GLI3: variants seen among roughly 807,000 people sequenced by gnomAD.
GLI3 encodes the protein GLI family zinc finger 3, also known as transcription activator GLI3.
A neutral mutation model predicts 100.8 loss-of-function variants in GLI3; 20 were observed. The ratio of observed to expected loss-of-function variants is 0.20; its 90% CI spans 0.14 to 0.29. The LOEUF is 0.29. Ranked by LOEUF, GLI3 falls within the 10% of genes least tolerant of loss-of-function variation. GLI3 has a pLI of 1.00. For missense variants in GLI3, 2,040 were observed against 2,128.5 expected (o/e 0.96, Z 0.82); for synonymous variants, 938 against 860.5 (o/e 1.09, Z -1.58).
At chr7:42,023,440 G>A in intron 10 of GLI3, 28 bp downstream of exon 10, 5 of 1,613,228 alleles carry the variant, frequency 3.1e-6, no homozygotes, top group Non-Finnish European at 4.2e-6. Flanking sequence ...GAGCTGTAAA[G>A]CTCGGTTCCT....
intron 2 of GLI3, among the ~76,000 whole-genome samples, chr7:42,204,885 C>T (rs1788118307): frequency 6.6e-6 from 1 of 152,070 alleles, no homozygotes; most frequent in Non-Finnish European, 1.5e-5. Flanking sequence ...TCTCTGTGGG[C>T]TGGCAAATTT....
At chr7:42,239,498 C>T (rs886662305), upstream of GLI3, among the ~76,000 whole-genome samples, 1 of 152,198 alleles carries the variant, frequency 6.6e-6, no homozygotes, top group Non-Finnish European at 1.5e-5. Context: ...TATTCATGTA[C>T]TGCTTCTGCC....
intron 3 of GLI3, among the ~76,000 whole-genome samples, chr7:42,136,263 CATGAGAAGGACAACGTT>C (rs1480568739): frequency 1.3e-5 from 2 of 152,172 alleles, no homozygotes; most frequent in Admixed American, 6.5e-5. Context: ...ACAGGAGCAC[CATGAGAAGGACAACGTT>C]TTATAAGACA....
Position 42,115,398 on chromosome 7 carries a change from C to T in GLI3, c.367+32828G>A, listed in dbSNP as rs560478530. Among the ~76,000 whole-genome samples the T allele has an allele frequency of 4.6e-5, 7 of 152,292 alleles. No individual in the cohort carries two copies. In the South Asian group the frequency reaches 1.2e-3, roughly 27 times the overall value. Reference sequence around the variant, plus strand: ...TAAGTGACCTGCCCACCTCGGCCTCCCAAAGTGCTGAGATTACAGGTGTAC... The same window carrying T: ...TAAGTGACCTGCCCACCTCGGCCTCTCAAAGTGCTGAGATTACAGGTGTAC... On this transcript the variant is annotated intron_variant, in intron 3 of 14. Transcript: ENST00000395925.
At chr7:41,990,921 T>C (rs1787969416) in intron 10 of GLI3, among the ~76,000 whole-genome samples, 1 of 151,448 alleles carries the variant, frequency 6.6e-6, no homozygotes, top group Non-Finnish European at 1.5e-5. Flanking sequence ...TGGTGATTGC[T>C]GATCACAGAA....
chr7:42,134,410 C>T (rs1206998890), intron 3 of GLI3, among the ~76,000 whole-genome samples: 2 of 152,104 alleles, frequency 1.3e-5, no homozygotes, highest in African/African-American at 4.8e-5. Context: ...TGAGAAGACA[C>T]AGAAGAAAGG....
At chr7:42,254,254 G>A (rs966373976) in intron 1 of GLI3, among the ~76,000 whole-genome samples, 1 of 149,232 alleles carries the variant, frequency 6.7e-6, no homozygotes, top group Non-Finnish European at 1.5e-5. Flanking sequence ...AGAGGATATC[G>A]CCTTGGGCAC....
intron 10 of GLI3, among the ~76,000 whole-genome samples, chr7:42,019,090 T>G (rs1218327269): frequency 6.6e-6 from 1 of 152,146 alleles, no homozygotes; most frequent in East Asian, 1.9e-4. Context: ...TTGTTGAAAT[T>G]GAGGGTGAAG....
intron 1 of GLI3, among the ~76,000 whole-genome samples, chr7:42,261,222 C>CACACACACACACA (rs1583679901): frequency 7.1e-6 from 1 of 140,684 alleles, no homozygotes; most frequent in East Asian, 2.1e-4. Flanking sequence ...CACACACACA[C>CACACACACACACA]AACACACACA....
At chr7:42,209,812 TTC>T (rs1164646599) in intron 2 of GLI3, among the ~76,000 whole-genome samples, 1 of 137,144 alleles carries the variant, frequency 7.3e-6, no homozygotes, top group Non-Finnish European at 1.6e-5. Context: ...CACTGAGAGG[TTC>T]TCTCTCTTTT....
At chr7:42,146,209 G>T (rs1158313865) in intron 3 of GLI3, among the ~76,000 whole-genome samples, 1 of 152,096 alleles carries the variant, frequency 6.6e-6, no homozygotes, top group East Asian at 1.9e-4. Context: ...AGAATGTAAC[G>T]AATAATCCAC....
chr7:42,223,118 T>G lies in GLI3; in HGVS notation c.124+12A>C. The G allele has an allele frequency of 6.2e-7, 1 of 1,613,548 alleles. No homozygotes were observed. Among genetic ancestry groups the G allele is most frequent in the Non-Finnish European group, 8.5e-7 (1 of 1,179,622 alleles). Reference sequence around the variant, plus strand: ...TCCAGGCTGGGCTGCTGGTAATCCCTGTGCTGCTCACCATTAGAAGTGGTG... The same window carrying G: ...TCCAGGCTGGGCTGCTGGTAATCCCGGTGCTGCTCACCATTAGAAGTGGTG... On this transcript the variant is annotated intron_variant, in intron 2 of 14. Transcript: ENST00000395925.
chr7:42,175,160 C>T (rs1787453695), intron 2 of GLI3, among the ~76,000 whole-genome samples: 1 of 152,122 alleles, frequency 6.6e-6, no homozygotes, highest in African/African-American at 2.4e-5. Flanking sequence ...TGTCTGTGAT[C>T]AACAAAGTGA....
At chr7:42,229,372 T>C (rs1233242730) in intron 1 of GLI3, among the ~76,000 whole-genome samples, 3 of 152,180 alleles carry the variant, frequency 2.0e-5, no homozygotes, top group African/African-American at 2.4e-5. Flanking sequence ...CAGAAGACAT[T>C]CCAGGCGAGG....
intron 4 of GLI3, among the ~76,000 whole-genome samples, chr7:42,053,747 C>A (rs1203889180): frequency 6.6e-6 from 1 of 152,180 alleles, no homozygotes; most frequent in Non-Finnish European, 1.5e-5. Context: ...GAGGAAAGAA[C>A]AACAAACAAA....
intron 2 of GLI3, among the ~76,000 whole-genome samples, chr7:42,194,006 T>C (rs557816277): frequency 6.6e-6 from 1 of 152,298 alleles, no homozygotes; most frequent in East Asian, 1.9e-4. Flanking sequence ...ATAATGTAAG[T>C]CAGTATGTAC....
chr7:42,040,623 C>A (rs1784117141), intron 6 of GLI3, among the ~76,000 whole-genome samples: 1 of 152,138 alleles, frequency 6.6e-6, no homozygotes. Context: ...ACATACCACC[C>A]TCCCCACCCC....
chr7:42,014,065 C>T (rs1788691207), intron 10 of GLI3, among the ~76,000 whole-genome samples: 1 of 152,186 alleles, frequency 6.6e-6, no homozygotes, highest in Non-Finnish European at 1.5e-5. Flanking sequence ...AAATAACTTC[C>T]ACTGCAGAGT....
At chr7:42,201,490 A>G (rs1788038831) in intron 2 of GLI3, among the ~76,000 whole-genome samples, 2 of 152,208 alleles carry the variant, frequency 1.3e-5, no homozygotes, top group South Asian at 4.1e-4. Flanking sequence ...TCACATACAC[A>G]TAGACAGACA....
Sources: allele counts gnomAD v4.1 joint callset (sites outside exome capture counted in the v4.1 genomes callset), GRCh38; gene constraint gnomAD v4.1.1; transcripts MANE v1.5; gene names NCBI Gene and HGNC (gene_info 2026-07-23, HGNC 2026-07-21).